The following SIRPA variants were observed in gnomAD, a reference collection of about 807,000 sequenced individuals.
SIRPA encodes tyrosine-protein phosphatase non-receptor type substrate 1.
In SIRPA, 9 loss-of-function variants were observed where a neutral mutation model predicts 50.3. That is an observed-to-expected ratio of 0.18 (90% CI 0.11 to 0.31). SIRPA has a LOEUF of 0.31. Among genes scored for constraint, SIRPA ranks in the 10% least tolerant of loss-of-function variants. The probability of loss-of-function intolerance (pLI) is 1.00; values close to 1 mark genes in which losing one functional copy is unlikely to be tolerated. For synonymous variants in SIRPA, 265 were observed against 284.1 expected (o/e 0.93, Z 0.68); for missense variants, 474 against 661.6 (o/e 0.72, Z 3.11).
At chr20:1,896,148 T>A (rs975878476) in intron 1 of SIRPA, among the ~76,000 whole-genome samples, 66 of 152,262 alleles carry the variant, frequency 4.3e-4, no homozygotes, top group African/African-American at 1.4e-3. Flanking sequence ...CACGGTGGAT[T>A]GTCCCTGTGG....
chr20:1,919,365 G>A (rs980653791), intron 2 of SIRPA, among the ~76,000 whole-genome samples: 2 of 152,256 alleles, frequency 1.3e-5, no homozygotes, highest in Non-Finnish European at 2.9e-5. Flanking sequence ...GGTCACGGAG[G>A]ACAAGTTGGA....
At chr20:1,896,325 G>C (rs1983817053) in intron 1 of SIRPA, among the ~76,000 whole-genome samples, 1 of 152,162 alleles carries the variant, frequency 6.6e-6, no homozygotes, top group African/African-American at 2.4e-5. Flanking sequence ...CAAACACCTG[G>C]CTGTCGCCGG....
At chr20:1,930,461 G>T (rs116443116) in intron 6 of SIRPA, among the ~76,000 whole-genome samples, 197 of 152,364 alleles carry the variant, frequency 1.3e-3, no homozygotes, top group African/African-American at 4.6e-3. Flanking sequence ...GAATGGATCA[G>T]TGCATACCAT....
At chr20:1,901,779 G>A (rs979441722) in intron 1 of SIRPA, among the ~76,000 whole-genome samples, 5 of 152,108 alleles carry the variant, frequency 3.3e-5, no homozygotes, top group East Asian at 1.9e-4. Context: ...GTTCGGGGGC[G>A]CAGGGTGTTA....
upstream of SIRPA, chr20:1,894,873 G>GGGTC (rs966341453): frequency 6.8e-6 from 1 of 147,536 alleles, no homozygotes; most frequent in African/African-American, 2.4e-5. This position sits in a 1 kb window ranked among gnomAD's most constrained non-coding sequence, Gnocchi z 4.0. Context: ...AGGAGGGAGG[G>GGGTC]GGTCGGGCTG....
chr20:1,915,590 AAT>A, intron 2 of SIRPA, 135 bp downstream of exon 2: 1 of 1,131,682 alleles, frequency 8.8e-7, no homozygotes, highest in Non-Finnish European at 1.3e-6. Context: ...CCCTTTTACA[AAT>A]AAGGGAAGTT....
At chr20:1,906,783 T>C (rs938900784) in intron 1 of SIRPA, among the ~76,000 whole-genome samples, 2 of 152,052 alleles carry the variant, frequency 1.3e-5, no homozygotes, top group Non-Finnish European at 2.9e-5. Context: ...GAGGTCAGCG[T>C]GGAGGTTCAG....
chr20:1,900,319 C>T (rs918121934), intron 1 of SIRPA, among the ~76,000 whole-genome samples: 3 of 152,048 alleles, frequency 2.0e-5, no homozygotes, highest in African/African-American at 4.8e-5. Flanking sequence ...AGGCTGGTCT[C>T]GAACTCCTGA....
intron 2 of SIRPA, among the ~76,000 whole-genome samples, chr20:1,920,770 G>A (rs1383384501): frequency 1.3e-5 from 2 of 152,192 alleles, no homozygotes; most frequent in African/African-American, 4.8e-5. Context: ...ATAAAGTCTG[G>A]GTTAAAGTTA....
chr20:1,913,218 T>A (rs564233824), intron 1 of SIRPA, among the ~76,000 whole-genome samples: 1 of 152,344 alleles, frequency 6.6e-6, no homozygotes, highest in Admixed American at 6.5e-5. Context: ...TTAGGCACTC[T>A]GAGACTCCAC....
intron 7 of SIRPA, among the ~76,000 whole-genome samples, chr20:1,935,903 C>G (rs1986550025): frequency 6.6e-6 from 1 of 152,140 alleles, no homozygotes; most frequent in South Asian, 2.1e-4. Context: ...GCACGCAGGG[C>G]TCAGGACAGA....
At position 1,898,431 on chromosome 20, in the gene SIRPA, T is replaced by C. The variant is rs1406206168; in HGVS notation, c.79+2905T>C. Among the ~76,000 whole-genome samples the C allele has an allele frequency of 6.6e-6, 1 of 152,124 alleles. No homozygotes were observed. The highest frequency in any genetic ancestry group is 1.5e-5 in the Non-Finnish European group (1 of 68,022). The stretch of plus-strand genomic sequence containing the variant: ...ACCTATGCAGTGCTGGTGTGAACCA[T>C]GTGTTGAGAGAAGGGAGGAAAACCA... On this transcript the variant is annotated intron_variant, in intron 1 of 7. Coordinates refer to ENST00000358771, the MANE Select transcript of SIRPA (RefSeq NM_001040023.2). This position sits in a 1 kb window ranked among gnomAD's most constrained non-coding sequence, Gnocchi z 4.3.
intron 1 of SIRPA, 64 bp downstream of exon 1, chr20:1,895,590 G>C: frequency 8.1e-7 from 1 of 1,239,572 alleles, no homozygotes; most frequent in Non-Finnish European, 1.1e-6. Flanking sequence ...CTCTCAGACT[G>C]GCACTGGGAC....
intron 5 of SIRPA, among the ~76,000 whole-genome samples, chr20:1,926,903 A>G (rs565442373): frequency 3.3e-5 from 5 of 152,262 alleles, no homozygotes; most frequent in East Asian, 1.9e-4. Context: ...CCTGATTTCA[A>G]CTCAACCACT....
Position 1,937,198 on chromosome 20 carries a change from C to A in SIRPA, c.1267-122C>A. The A allele has an allele frequency of 8.3e-7, 1 of 1,208,342 alleles. No individual in the cohort carries two copies. The highest frequency in any genetic ancestry group is 1.2e-6 in the Non-Finnish European group (1 of 858,994). The allele number at this position is 1,208,342 out of a possible 1,614,324, so 74.9% of individuals were successfully genotyped here. On this transcript the variant is annotated intron_variant, in intron 7 of 7. Coordinates refer to ENST00000358771, the MANE Select transcript of SIRPA (RefSeq NM_001040023.2). This position sits in a 1 kb window ranked among gnomAD's most constrained non-coding sequence, Gnocchi z 8.3. ...GAGATGAGGGGAACATGACTTATGG[C>A]TGAGCCAGTGTGGGCCGAGAGGACA...
At position 1,938,555 on chromosome 20, in the gene SIRPA, C is replaced by T. The variant is rs1481372515; in HGVS notation, c.*987C>T. 1 of 152,660 alleles carries T rather than the reference C, an allele frequency of 6.6e-6. No individual in the cohort carries two copies. The highest frequency in any genetic ancestry group is 1.5e-5 in the Non-Finnish European group (1 of 68,046). 9.5% of individuals were successfully genotyped at this position (152,660 alleles called of 1,614,324 possible). Reference sequence around the variant, plus strand: ...TTGTCCTGGAGGGATTTTCTTACAGCGAAGACTTGAGTTCCTCCAAGTCCC... The same window carrying T: ...TTGTCCTGGAGGGATTTTCTTACAGTGAAGACTTGAGTTCCTCCAAGTCCC... On this transcript the variant is annotated 3_prime_UTR_variant, in exon 8 of 8. Transcript: ENST00000358771.
intron 1 of SIRPA, among the ~76,000 whole-genome samples, chr20:1,910,671 T>G (rs1182865182): frequency 2.6e-5 from 4 of 152,190 alleles, no homozygotes; most frequent in African/African-American, 9.7e-5. Flanking sequence ...CATACATCAT[T>G]ACATGTACAG....
At position 1,937,089 on chromosome 20, in the gene SIRPA, G is replaced by A. The variant is rs1986616352; in HGVS notation, c.1267-231G>A. Among the ~76,000 whole-genome samples, 1 of 152,134 alleles carries A rather than the reference G, an allele frequency of 6.6e-6. No individual in the cohort carries two copies. Among genetic ancestry groups the A allele is most frequent in the Non-Finnish European group, 1.5e-5 (1 of 68,018 alleles). On this transcript the variant is annotated intron_variant, in intron 7 of 7. Transcript: ENST00000358771. The surrounding 1 kb of genome is among the most constrained non-coding windows in gnomAD (Gnocchi z 8.3). ...GGCGGGGCTGTGAGGAGACTGCACT[G>A]TGCGGGTCAGAAAGACCCTTCAGGC...
chr20:1,915,832 C>T lies in SIRPA; in HGVS notation c.436+377C>T, dbSNP rs964327417. On this transcript the variant is annotated intron_variant, in intron 2 of 7. Transcript: ENST00000358771. Reference sequence around the variant, plus strand: ...CTTCCCTCTCAGGGCAGCCGAGTCTCCTCTATGTGACAGGCACTCACTGAG... The same window carrying T: ...CTTCCCTCTCAGGGCAGCCGAGTCTTCTCTATGTGACAGGCACTCACTGAG... 3.3e-5 allele frequency among the ~76,000 whole-genome samples: 5 copies of T among 152,244 alleles called. No homozygotes were observed. In the South Asian group the frequency reaches 1.0e-3, roughly 31 times the overall value.
Sources: allele counts gnomAD v4.1 joint callset (sites outside exome capture counted in the v4.1 genomes callset), GRCh38; gene constraint gnomAD v4.1.1; non-coding constraint Gnocchi (gnomAD v3.1); transcripts MANE v1.5; gene names NCBI Gene and HGNC (gene_info 2026-07-23, HGNC 2026-07-21).